Variants in ATF2 observed in about 807,000 individuals in gnomAD.
ATF2 encodes cyclic AMP-dependent transcription factor ATF-2.
In ATF2, 24 loss-of-function variants were observed where a neutral mutation model predicts 60.6. The ratio of observed to expected loss-of-function variants is 0.40; its 90% CI spans 0.29 to 0.56. ATF2 has a LOEUF of 0.56. Ranked by LOEUF, ATF2 falls within the 20% of genes least tolerant of loss-of-function variation. ATF2 has a pLI of 0.54. For synonymous variants in ATF2, 206 were observed against 215.4 expected (o/e 0.96, Z 0.38); for missense variants, 433 against 607.7 (o/e 0.71, Z 3.02).
intron 3 of ATF2, among the ~76,000 whole-genome samples, chr2:175,133,020 T>C (rs546435862): frequency 6.0e-5 from 9 of 151,134 alleles, no homozygotes; most frequent in African/African-American, 2.2e-4. Flanking sequence ...CCTGGGGAGG[T>C]AGAGGTTGCA....
At chr2:175,160,054 T>C (rs1303870840) in intron 1 of ATF2, among the ~76,000 whole-genome samples, 1 of 152,086 alleles carries the variant, frequency 6.6e-6, no homozygotes, top group Non-Finnish European at 1.5e-5. Context: ...GAAAAATACA[T>C]CAATAAAAAT....
intron 2 of ATF2, among the ~76,000 whole-genome samples, chr2:175,145,938 C>T (rs1698915229): frequency 1.3e-5 from 2 of 152,026 alleles, no homozygotes; most frequent in South Asian, 4.2e-4. Flanking sequence ...TATATCATCT[C>T]AAAGTATTAT....
chr2:175,136,381 T>A, intron 3 of ATF2, 31 bp downstream of exon 3: 2 of 1,601,442 alleles, frequency 1.2e-6, no homozygotes, highest in Non-Finnish European at 1.7e-6. Context: ...ATGTAAAAAA[T>A]GGCTAAAAAT....
intron 2 of ATF2, among the ~76,000 whole-genome samples, chr2:175,136,872 A>G (rs1383718650): frequency 6.6e-6 from 1 of 152,186 alleles, no homozygotes; most frequent in Non-Finnish European, 1.5e-5. Context: ...GTACTTACTG[A>G]TATTCAGCTT....
intron 10 of ATF2, among the ~76,000 whole-genome samples, chr2:175,104,063 C>A (rs1380758983): frequency 6.8e-6 from 1 of 146,712 alleles, no homozygotes; most frequent in Non-Finnish European, 1.5e-5. Context: ...TTTTTTTTAG[C>A]AGAAAAGAAA....
At chr2:175,134,809 C>T (rs1049765936) in intron 3 of ATF2, among the ~76,000 whole-genome samples, 1 of 151,482 alleles carries the variant, frequency 6.6e-6, no homozygotes, top group South Asian at 2.1e-4. Flanking sequence ...GACGGCGTGA[C>T]CCCATCTCTA....
chr2:175,129,423 A>G (rs1271041664), intron 4 of ATF2, among the ~76,000 whole-genome samples: 1 of 152,126 alleles, frequency 6.6e-6, no homozygotes, highest in East Asian at 1.9e-4. Context: ...CAAATGGTAC[A>G]TTTTAAGTAT....
At chr2:175,108,334 C>T (rs1255075479) in intron 10 of ATF2, among the ~76,000 whole-genome samples, 25 of 151,282 alleles carry the variant, frequency 1.7e-4, no homozygotes, top group African/African-American at 5.8e-4. Flanking sequence ...GGGGTCAACC[C>T]CCGCCCGGCC....
At chr2:175,092,568 T>TCA (rs1314454299) in intron 12 of ATF2, 2 of 450,682 alleles carry the variant, frequency 4.4e-6, no homozygotes, top group African/African-American at 4.1e-5. Context: ...TTAGAGTCCT[T>TCA]CAGTTTCCAA....
At chr2:175,145,001 G>C (rs1698848738) in intron 2 of ATF2, among the ~76,000 whole-genome samples, 1 of 152,226 alleles carries the variant, frequency 6.6e-6, no homozygotes. Context: ...TCATACTACA[G>C]TTGAAGGGAA....
intron 2 of ATF2, among the ~76,000 whole-genome samples, chr2:175,145,751 C>T (rs1026301251): frequency 2.6e-5 from 4 of 152,086 alleles, no homozygotes; most frequent in Non-Finnish European, 5.9e-5. Flanking sequence ...ATATTCAAGA[C>T]GCATCCTGTA....
chr2:175,109,270 A>AGC (rs1696003900), intron 10 of ATF2, among the ~76,000 whole-genome samples: 2 of 152,142 alleles, frequency 1.3e-5, no homozygotes, highest in African/African-American at 4.8e-5. Flanking sequence ...GAGAATGGAC[A>AGC]AAGAAATTGT....
At position 175,133,328 on chromosome 2, in the gene ATF2, C is replaced by A. The variant is rs565651199; in HGVS notation, c.32+3084G>T. 2.0e-5 allele frequency among the ~76,000 whole-genome samples: 3 copies of A among 152,176 alleles called. No individual in the cohort carries two copies. In the South Asian group the frequency reaches 6.2e-4, roughly 32 times the overall value. Reference sequence around the variant, plus strand: ...ACAAAGAAATGGAAAAGAAGGAGTACAGAAATGGAACCACACATAAGGCTA... The same window carrying A: ...ACAAAGAAATGGAAAAGAAGGAGTAAAGAAATGGAACCACACATAAGGCTA... On this transcript the variant is annotated intron_variant, in intron 3 of 13. Coordinates refer to ENST00000264110, the MANE Select transcript of ATF2 (RefSeq NM_001880.4).
chr2:175,167,051 C>T (rs1045974561), intron 1 of ATF2, among the ~76,000 whole-genome samples: 3 of 152,154 alleles, frequency 2.0e-5, no homozygotes, highest in African/African-American at 7.2e-5. Flanking sequence ...TAAGGTCCAT[C>T]AGGAGTAATC....
intron 1 of ATF2, among the ~76,000 whole-genome samples, chr2:175,158,589 G>A (rs1559126706): frequency 6.6e-6 from 1 of 152,020 alleles, no homozygotes; most frequent in Admixed American, 6.6e-5. Context: ...CGTCTGGGGG[G>A]AACACTGGAA....
At chr2:175,164,126 C>T (rs185292439) in intron 1 of ATF2, among the ~76,000 whole-genome samples, 1 of 149,140 alleles carries the variant, frequency 6.7e-6, no homozygotes, top group African/African-American at 2.4e-5. Flanking sequence ...ATGAATACAC[C>T]AGTTTCAAGG....
At chr2:175,075,292 A>G (rs1362458951) in intron 13 of ATF2, among the ~76,000 whole-genome samples, 2 of 152,292 alleles carry the variant, frequency 1.3e-5, no homozygotes, top group African/African-American at 4.8e-5. Context: ...TTCCCTCTGC[A>G]TTCTCCAGAA....
Position 175,093,219 on chromosome 2 carries a change from G to A in ATF2, c.1027C>T (p.Arg343Trp), listed in dbSNP as rs1694677401. The A allele has an allele frequency of 1.2e-6, 2 of 1,613,978 alleles. No homozygotes were observed. Among genetic ancestry groups the A allele is most frequent in the Non-Finnish European group, 1.7e-6 (2 of 1,179,996 alleles). Residue 343 changes from arginine (R) to tryptophan (W), a missense_variant, in exon 12 of 14, where the codon CGG becomes TGG. Around this residue, in one of 5 missense-constraint regions of ATF2, gnomAD observed 246 missense variants for 309.3 expected, o/e 0.80. Transcript: ENST00000264110. Reference protein sequence around the residue: ...TPQTQSTSGRRRRAANEDPDE... With the variant: ...TPQTQSTSGRWRRAANEDPDE... ...GGATCTTCGTTAGCTGCTCTTCTCC[G>A]ACGACCACTTGTACTTTGGGTCTGT...
chr2:175,106,973 G>T (rs760647700), intron 10 of ATF2, among the ~76,000 whole-genome samples: 3 of 152,092 alleles, frequency 2.0e-5, no homozygotes, highest in Admixed American at 6.5e-5. Flanking sequence ...AGACAAGCCT[G>T]GCAGAGCAAT....
Sources: allele counts gnomAD v4.1 joint callset (sites outside exome capture counted in the v4.1 genomes callset), GRCh38; gene constraint gnomAD v4.1.1; regional missense constraint gnomAD v4.1.1; transcripts MANE v1.5; gene names NCBI Gene and HGNC (gene_info 2026-07-23, HGNC 2026-07-21).